Variants in CACNA2D3 observed in about 807,000 individuals in gnomAD.
CACNA2D3 encodes the protein voltage-dependent calcium channel subunit alpha-2/delta-3.
Under a neutral mutation model 160.6 loss-of-function variants are expected in CACNA2D3, and 60 were observed. The ratio of observed to expected loss-of-function variants is 0.37; its 90% CI spans 0.30 to 0.46. CACNA2D3 has a LOEUF of 0.46. Among genes scored for constraint, CACNA2D3 ranks in the 20% least tolerant of loss-of-function variants. The probability of loss-of-function intolerance (pLI) is 1.00; values close to 1 mark genes in which losing one functional copy is unlikely to be tolerated. For missense variants in CACNA2D3, 1,205 were observed against 1,365.0 expected (o/e 0.88, Z 1.85); for synonymous variants, 558 against 492.9 (o/e 1.13, Z -1.75).
At chr3:55,006,994 G>A (rs112653617) in intron 32 of CACNA2D3, among the ~76,000 whole-genome samples, 8 of 152,238 alleles carry the variant, frequency 5.3e-5, no homozygotes, top group East Asian at 3.9e-4. Flanking sequence ...ATTTGCCAGC[G>A]TCATTGTCTG....
At chr3:54,236,441 A>C (rs1701877576) in intron 2 of CACNA2D3, among the ~76,000 whole-genome samples, 1 of 152,224 alleles carries the variant, frequency 6.6e-6, no homozygotes. Context: ...ATTATTCTGT[A>C]AATCTAAAAC....
intron 16 of CACNA2D3, among the ~76,000 whole-genome samples, chr3:54,839,198 C>G (rs1212530797): frequency 6.6e-6 from 1 of 152,136 alleles, no homozygotes; most frequent in Non-Finnish European, 1.5e-5. Context: ...GCGGAGCTTG[C>G]AGTGAGCTGA....
chr3:54,767,417 T>C (rs536989865), intron 13 of CACNA2D3, among the ~76,000 whole-genome samples: 91 of 152,260 alleles, frequency 6.0e-4, no homozygotes, highest in African/African-American at 2.1e-3. Context: ...GTTACAGCAA[T>C]TCTGAATCCA....
rs560237060 is a variant in CACNA2D3 at position 54,671,259 on chromosome 3, G to C, written c.1167+29018G>C. On this transcript the variant is annotated intron_variant, in intron 11 of 37. Coordinates refer to ENST00000474759, the MANE Select transcript of CACNA2D3 (RefSeq NM_018398.3). Reference sequence around the variant, plus strand: ...TGGATCTCATTAAGTCAAAGAAACTGTCTGATTGTTTCCCTCCATTTCCAG... The same window carrying C: ...TGGATCTCATTAAGTCAAAGAAACTCTCTGATTGTTTCCCTCCATTTCCAG... Among the ~76,000 whole-genome samples, 79 of 151,692 alleles carry C rather than the reference G, an allele frequency of 5.2e-4. 1 individual carries two copies. The highest frequency in any genetic ancestry group is 8.4e-4 in the Non-Finnish European group (57 of 67,972).
rs72872241 is a variant in CACNA2D3, at chr3:54,710,567, C to G, written c.1168-42032C>G. Among the ~76,000 whole-genome samples the G allele has an allele frequency of 9.9e-4, 151 of 152,216 alleles. 1 individual carries two copies. Among genetic ancestry groups the G allele is most frequent in the African/African-American group, 3.6e-3 (150 of 41,542 alleles). ...TCATTTCTGTTCATATTCCATTGTCCAGAATTTAGCCACATGGACCCACCA... is the reference window on the plus strand; with the variant it reads ...TCATTTCTGTTCATATTCCATTGTCGAGAATTTAGCCACATGGACCCACCA... On this transcript the variant is annotated intron_variant, in intron 11 of 37. Coordinates refer to ENST00000474759, the MANE Select transcript of CACNA2D3 (RefSeq NM_018398.3).
At chr3:54,618,037 A>C (rs1177644802) in intron 9 of CACNA2D3, among the ~76,000 whole-genome samples, 2 of 151,186 alleles carry the variant, frequency 1.3e-5, no homozygotes, top group South Asian at 4.2e-4. Flanking sequence ...GCCATAAGGG[A>C]TTGTAAGCCA....
At chr3:54,245,762 C>T (rs910730675) in intron 2 of CACNA2D3, among the ~76,000 whole-genome samples, 1 of 152,198 alleles carries the variant, frequency 6.6e-6, no homozygotes. Flanking sequence ...GGAAAATAGG[C>T]TCATCTAAGT....
chr3:54,736,099 A>T (rs1701515761), intron 11 of CACNA2D3, among the ~76,000 whole-genome samples: 1 of 16,000 alleles, frequency 6.3e-5, no homozygotes, highest in Non-Finnish European at 1.6e-4. Flanking sequence ...GTATATATAT[A>T]CATATATATG....
At chr3:54,499,425 A>G (rs1338529144) in intron 4 of CACNA2D3, among the ~76,000 whole-genome samples, 1 of 152,136 alleles carries the variant, frequency 6.6e-6, no homozygotes, top group Non-Finnish European at 1.5e-5. Context: ...TGCAGAATAA[A>G]AAATATACAT....
intron 11 of CACNA2D3, among the ~76,000 whole-genome samples, chr3:54,703,466 A>T (rs1400602362): frequency 6.6e-6 from 1 of 152,068 alleles, no homozygotes; most frequent in African/African-American, 2.4e-5. Context: ...TGTCCCTACA[A>T]TTGGAATGGT....
At chr3:54,364,446 C>G (rs1698795562) in intron 3 of CACNA2D3, among the ~76,000 whole-genome samples, 1 of 152,166 alleles carries the variant, frequency 6.6e-6, no homozygotes, top group South Asian at 2.1e-4. Flanking sequence ...AATTTCCTGT[C>G]CTTGCCACAG....
At chr3:54,796,721 G>A (rs1420500323) in intron 13 of CACNA2D3, among the ~76,000 whole-genome samples, 2 of 152,116 alleles carry the variant, frequency 1.3e-5, no homozygotes, top group Non-Finnish European at 2.9e-5. Flanking sequence ...CCTCTACTCT[G>A]GACTGGCCAT....
At chr3:54,700,067 A>G (rs893510441) in intron 11 of CACNA2D3, among the ~76,000 whole-genome samples, 21 of 152,202 alleles carry the variant, frequency 1.4e-4, no homozygotes, top group African/African-American at 2.9e-4. Flanking sequence ...AGCATTTATT[A>G]TCTACGTGCA....
intron 10 of CACNA2D3, chr3:54,639,859 A>G (rs1699472877): frequency 6.6e-6 from 1 of 152,668 alleles, no homozygotes; most frequent in South Asian, 2.1e-4. Flanking sequence ...AGAGTCAGCG[A>G]AGGGAGATAA....
intron 31 of CACNA2D3, among the ~76,000 whole-genome samples, chr3:54,997,020 CAG>C (rs199907636): frequency 0.013 from 1,908 of 152,060 alleles, 28 homozygotes; most frequent in African/African-American, 0.039. Context: ...CGGGGCCTGT[CAG>C]GGGGTGGAGG....
At chr3:54,402,219 A>G (rs1230159474) in intron 4 of CACNA2D3, among the ~76,000 whole-genome samples, 1 of 152,202 alleles carries the variant, frequency 6.6e-6, no homozygotes, top group African/African-American at 2.4e-5. Context: ...GGAGAAGGGA[A>G]CAAAGGATCT....
chr3:54,505,622 G>C (rs962850165), intron 5 of CACNA2D3, among the ~76,000 whole-genome samples: 1 of 152,148 alleles, frequency 6.6e-6, no homozygotes, highest in Non-Finnish European at 1.5e-5. Flanking sequence ...GTGGCCAAAA[G>C]AAAGCCATCT....
At chr3:54,541,278 G>GAAAAAAAAAAAA (rs141900915) in intron 5 of CACNA2D3, among the ~76,000 whole-genome samples, 22 of 81,698 alleles carry the variant, frequency 2.7e-4, no homozygotes, top group African/African-American at 4.1e-4. Flanking sequence ...CTCCGTCTCA[G>GAAAAAAAAAAAA]AAAAAAAAAA....
chr3:55,038,904 A>G (rs887123746), intron 35 of CACNA2D3, among the ~76,000 whole-genome samples: 7 of 131,934 alleles, frequency 5.3e-5, no homozygotes, highest in African/African-American at 1.9e-4. Flanking sequence ...ATATATATAT[A>G]TATACACACA....
Sources: allele counts gnomAD v4.1 joint callset (sites outside exome capture counted in the v4.1 genomes callset), GRCh38; gene constraint gnomAD v4.1.1; transcripts MANE v1.5; gene names NCBI Gene and HGNC (gene_info 2026-07-23, HGNC 2026-07-21).